Variants in STK24 observed in about 807,000 individuals in gnomAD.
The protein encoded by STK24 is serine/threonine kinase 24, also known as serine/threonine-protein kinase 24.
A neutral mutation model predicts 55.6 loss-of-function variants in STK24; 21 were observed. The observed-to-expected ratio is 0.38, with a 90% CI of 0.27 to 0.54. The LOEUF is 0.54. Among genes scored for constraint, STK24 ranks in the 20% least tolerant of loss-of-function variants. The probability of loss-of-function intolerance (pLI) is 0.79; values close to 1 mark genes in which losing one functional copy is unlikely to be tolerated. For missense variants in STK24, 383 were observed against 538.4 expected (o/e 0.71, Z 2.86); for synonymous variants, 200 against 215.2 (o/e 0.93, Z 0.62).
chr13:98,513,351 A>T (rs1310374734), intron 2 of STK24, among the ~76,000 whole-genome samples: 1 of 152,232 alleles, frequency 6.6e-6, no homozygotes, highest in Non-Finnish European at 1.5e-5. Flanking sequence ...TCCACGCAGC[A>T]GTTTTTCAAC....
In STK24 at chr13:98,515,792, C is replaced by T. The variant is rs1046892241; in HGVS notation, c.273+3451G>A. 5.3e-5 allele frequency among the ~76,000 whole-genome samples: 8 copies of T among 152,124 alleles called. 1 individual carries two copies. The highest frequency in any genetic ancestry group is 1.9e-4 in the African/African-American group (8 of 41,412). Reference sequence around the variant, plus strand: ...TAGCTACCCCAACAATGAAGAAACCCATTTCTGGTAATCTCTTCTTTGTCC... The same window carrying T: ...TAGCTACCCCAACAATGAAGAAACCTATTTCTGGTAATCTCTTCTTTGTCC... On this transcript the variant is annotated intron_variant, in intron 2 of 10. Transcript: ENST00000539966.
rs559865931 is a variant in STK24 at position 98,539,626 on chromosome 13, TTC to T, written c.43-20155_43-20154del. On this transcript the variant is annotated intron_variant, in intron 1 of 10. Transcript: ENST00000539966. ...ACAGTAATGACGGCTGCATCATTATTTCTCTCTTATGTTACCTCAGAATTTAC... is the reference window on the plus strand; with the variant it reads ...ACAGTAATGACGGCTGCATCATTATTTCTCTTATGTTACCTCAGAATTTAC... Among the ~76,000 whole-genome samples, 60 of 152,316 alleles carry T rather than the reference TTC, an allele frequency of 3.9e-4. No homozygotes were observed. In the South Asian group the frequency reaches 8.1e-3, roughly 21 times the overall value.
chr13:98,500,201 A>C (rs1249003174), intron 2 of STK24, among the ~76,000 whole-genome samples: 1 of 152,198 alleles, frequency 6.6e-6, no homozygotes. Flanking sequence ...CACTTCATCT[A>C]GTTTTAAAAA....
chr13:98,507,750 C>T (rs1895744819), intron 2 of STK24, among the ~76,000 whole-genome samples: 2 of 152,190 alleles, frequency 1.3e-5, no homozygotes, highest in Non-Finnish European at 2.9e-5. Context: ...TGAGGCAGGT[C>T]TCCAGGTCTC....
At chr13:98,493,444 CAACA>C (rs1895117989) in intron 2 of STK24, among the ~76,000 whole-genome samples, 1 of 152,042 alleles carries the variant, frequency 6.6e-6, no homozygotes, top group Admixed American at 6.5e-5. Context: ...AGAAAAGAAA[CAACA>C]AAGAGAAGCA....
chr13:98,458,275 A>G (rs1462736971), intron 9 of STK24, among the ~76,000 whole-genome samples: 1 of 152,202 alleles, frequency 6.6e-6, no homozygotes, highest in Non-Finnish European at 1.5e-5. Flanking sequence ...TGTTCAAGTC[A>G]AGATACAGCA....
intron 2 of STK24, among the ~76,000 whole-genome samples, chr13:98,494,411 T>TAAAAAA (rs1212862168): frequency 1.1e-4 from 1 of 9,150 alleles, no homozygotes. Flanking sequence ...CAGACTCGTC[T>TAAAAAA]CAAAAAAAAA....
At chr13:98,506,782 T>A (rs1895695808) in intron 2 of STK24, among the ~76,000 whole-genome samples, 2 of 152,222 alleles carry the variant, frequency 1.3e-5, no homozygotes, top group South Asian at 4.1e-4. Context: ...AGGCAAGAAT[T>A]TCTCCTGCTG....
intron 1 of STK24, among the ~76,000 whole-genome samples, chr13:98,557,937 A>G (rs1361086877): frequency 5.3e-5 from 8 of 152,188 alleles, no homozygotes; most frequent in Middle Eastern, 3.2e-3. Context: ...CTTTAAAAGA[A>G]ATTCTTCTAG....
At chr13:98,571,344 C>G (rs919527145) in intron 1 of STK24, among the ~76,000 whole-genome samples, 1 of 152,052 alleles carries the variant, frequency 6.6e-6, no homozygotes, top group African/African-American at 2.4e-5. Context: ...GCATCAAAGT[C>G]AGAAAGAGGG....
chr13:98,508,067 G>T (rs1357676242), intron 2 of STK24, among the ~76,000 whole-genome samples: 1 of 152,178 alleles, frequency 6.6e-6, no homozygotes, highest in East Asian at 1.9e-4. Flanking sequence ...CACGTAGCCT[G>T]CAATGACGGT....
chr13:98,538,504 C>T (rs1298586936), intron 1 of STK24, among the ~76,000 whole-genome samples: 2 of 152,138 alleles, frequency 1.3e-5, no homozygotes, highest in Non-Finnish European at 2.9e-5. Flanking sequence ...GGATTACAGG[C>T]ATGAGCCACC....
intron 1 of STK24, among the ~76,000 whole-genome samples, chr13:98,564,843 C>T (rs1897524021): frequency 1.3e-5 from 2 of 152,108 alleles, no homozygotes; most frequent in African/African-American, 4.8e-5. Flanking sequence ...AGTTCAAGTC[C>T]AGCCTTGGCA....
chr13:98,566,411 A>T (rs981570550), intron 1 of STK24, among the ~76,000 whole-genome samples: 2 of 152,196 alleles, frequency 1.3e-5, no homozygotes, highest in Admixed American at 6.5e-5. Flanking sequence ...GTCGGGAGGA[A>T]GGAAAAGAAC....
intron 2 of STK24, among the ~76,000 whole-genome samples, chr13:98,504,632 G>A (rs1895617722): frequency 2.0e-5 from 3 of 152,338 alleles, no homozygotes; most frequent in South Asian, 2.1e-4. Context: ...ACACAAAGCT[G>A]TGGAGTCGTC....
At chr13:98,576,300 CG>C in intron 1 of STK24, 1 of 873,904 alleles carries the variant, frequency 1.1e-6, no homozygotes, top group Non-Finnish European at 1.4e-6. Context: ...CCCGCCTGCC[CG>C]GGGGTGGGGG....
At chr13:98,481,526 T>TG (rs1346960304) in intron 3 of STK24, among the ~76,000 whole-genome samples, 1 of 152,222 alleles carries the variant, frequency 6.6e-6, no homozygotes, top group Non-Finnish European at 1.5e-5. Flanking sequence ...AATCACACCC[T>TG]GCCCCTTACT....
At chr13:98,567,932 TAA>T (rs143572413) in intron 1 of STK24, among the ~76,000 whole-genome samples, 1 of 62,710 alleles carries the variant, frequency 1.6e-5, no homozygotes, top group Admixed American at 2.1e-4. Context: ...GGTAGTGGTT[TAA>T]AAAAAAAAAG....
chr13:98,567,950 G>GA (rs1249941772), intron 1 of STK24, among the ~76,000 whole-genome samples: 2 of 149,232 alleles, frequency 1.3e-5, no homozygotes, highest in African/African-American at 2.5e-5. Context: ...AAAAGGGGGG[G>GA]GGTGGGGAGT....
Sources: allele counts gnomAD v4.1 joint callset (sites outside exome capture counted in the v4.1 genomes callset), GRCh38; gene constraint gnomAD v4.1.1; transcripts MANE v1.5; gene names NCBI Gene and HGNC (gene_info 2026-07-23, HGNC 2026-07-21).